Variants in ZBBX observed in about 807,000 individuals in gnomAD.
ZBBX encodes zinc finger B-box domain containing, also known as zinc finger B-box domain-containing protein 1.
ZBBX carries 101 observed loss-of-function variants against 108.5 expected under a neutral mutation model. The ratio of observed to expected loss-of-function variants is 0.93; its 90% CI spans 0.79 to 1.10. ZBBX has a LOEUF of 1.10. Ranked by LOEUF, ZBBX falls within the 50% of genes least tolerant of loss-of-function variation. The pLI, the probability that ZBBX is intolerant of heterozygous loss-of-function variation, is 0.00. For synonymous variants in ZBBX, 356 were observed against 323.4 expected, an observed-to-expected ratio of 1.10 and a Z score of -1.08; for missense variants, 1,009 against 941.4, an observed-to-expected ratio of 1.07 and a Z score of -0.94.
At chr3:167,227,593 T>A in the ZBBX span, among the ~76,000 whole-genome samples, 43 of 151,870 alleles carry the variant, frequency 2.8e-4, no homozygotes, top group South Asian at 1.0e-3. Context: ...AACATTTTCA[T>A]ACGTGGTCAC....
intron 1 of ZBBX, among the ~76,000 whole-genome samples, chr3:167,402,730 A>G: frequency 6.6e-6 from 1 of 152,114 alleles, no homozygotes; most frequent in East Asian, 1.9e-4. Context: ...AGAGAATAAA[A>G]TAAAATAAGT....
At chr3:167,339,056 G>A (rs1740085311) in intron 9 of ZBBX, among the ~76,000 whole-genome samples, 1 of 152,082 alleles carries the variant, frequency 6.6e-6, no homozygotes. Context: ...TCTTTGATGT[G>A]AATTACCTCA....
chr3:167,290,140 C>A (rs1428154514), intron 18 of ZBBX, among the ~76,000 whole-genome samples: 2 of 152,162 alleles, frequency 1.3e-5, no homozygotes, highest in Non-Finnish European at 2.9e-5. Flanking sequence ...GTTGTAGGTG[C>A]AGCTTCAGCA....
In ZBBX at chr3:167,365,987, T is replaced by C. The variant is rs1447355268; in HGVS notation, c.183-11A>G. ...TAATACTCGCTTGACCTTTAATATA[T>C]ATAAACAAGATAAAATGTAATCACT... On this transcript the variant is annotated splice_polypyrimidine_tract_variant and intron_variant, in intron 5 of 21. Transcript: ENST00000675490. The C allele has an allele frequency of 8.9e-6, 14 of 1,574,872 alleles. No homozygotes were observed. Among genetic ancestry groups the C allele is most frequent in the South Asian group, 1.1e-5 (1 of 87,574 alleles).
chr3:167,190,011 T>C, the ZBBX span, among the ~76,000 whole-genome samples: 3 of 152,248 alleles, frequency 2.0e-5, no homozygotes, highest in African/African-American at 7.2e-5. Context: ...CATAATGTCA[T>C]AGAATCACAT....
At chr3:167,208,495 C>T in the ZBBX span, among the ~76,000 whole-genome samples, 1 of 152,170 alleles carries the variant, frequency 6.6e-6, no homozygotes, top group Non-Finnish European at 1.5e-5. Flanking sequence ...GGATTGAGTA[C>T]TGGTCTGAGT....
chr3:167,275,562 T>C (rs949398285), intron 20 of ZBBX, among the ~76,000 whole-genome samples: 3 of 152,300 alleles, frequency 2.0e-5, no homozygotes, highest in African/African-American at 7.2e-5. Flanking sequence ...AATACTGCGC[T>C]TTTCCAACGG....
the ZBBX span, among the ~76,000 whole-genome samples, chr3:167,224,185 C>G: frequency 2.0e-5 from 3 of 152,052 alleles, no homozygotes; most frequent in East Asian, 5.8e-4. Context: ...TAATACATAT[C>G]AGTTAAAGAC....
At chr3:167,341,086 T>A (rs1369796675) in intron 9 of ZBBX, among the ~76,000 whole-genome samples, 1 of 151,980 alleles carries the variant, frequency 6.6e-6, no homozygotes, top group Non-Finnish European at 1.5e-5. Context: ...CAACATCATG[T>A]AAGTATTACT....
intron 1 of ZBBX, among the ~76,000 whole-genome samples, chr3:167,406,707 A>T (rs1001412896): frequency 6.6e-6 from 1 of 152,222 alleles, no homozygotes; most frequent in Non-Finnish European, 1.5e-5. Flanking sequence ...GTAGTTTACA[A>T]TTCAAATTTG....
chr3:167,259,605 C>T (rs1011696140), intron 20 of ZBBX, among the ~76,000 whole-genome samples: 3 of 152,020 alleles, frequency 2.0e-5, no homozygotes, highest in South Asian at 2.1e-4. Context: ...TTGATATAGG[C>T]GTTCAGGGCT....
At chr3:167,326,783 A>T (rs1298270281) in intron 11 of ZBBX, among the ~76,000 whole-genome samples, 1 of 152,084 alleles carries the variant, frequency 6.6e-6, no homozygotes, top group Non-Finnish European at 1.5e-5. Flanking sequence ...ATGTAGAAAA[A>T]TACTTGAAGA....
chr3:167,388,350 T>C (rs1747984073), intron 1 of ZBBX, among the ~76,000 whole-genome samples: 1 of 151,914 alleles, frequency 6.6e-6, no homozygotes, highest in South Asian at 2.1e-4. Context: ...ATAAGGGGTT[T>C]GCATCCCATG....
chr3:167,327,044 A>G (rs890884267), intron 11 of ZBBX, among the ~76,000 whole-genome samples: 2 of 151,902 alleles, frequency 1.3e-5, no homozygotes, highest in African/African-American at 2.4e-5. Flanking sequence ...GAATACTTTT[A>G]AAACTTATGG....
chr3:167,183,874 T>A, the ZBBX span, among the ~76,000 whole-genome samples: 1 of 152,122 alleles, frequency 6.6e-6, no homozygotes, highest in Non-Finnish European at 1.5e-5. Flanking sequence ...TGGGGACCTG[T>A]TTATGGCCAG....
intron 4 of ZBBX, among the ~76,000 whole-genome samples, chr3:167,369,115 G>A (rs890227854): frequency 2.0e-5 from 3 of 152,090 alleles, no homozygotes; most frequent in Non-Finnish European, 2.9e-5. Context: ...GTTTTGGTAC[G>A]GGAGCTTCCT....
At chr3:167,312,055 GATAA>G (rs758584315) in intron 16 of ZBBX, among the ~76,000 whole-genome samples, 4 of 152,092 alleles carry the variant, frequency 2.6e-5, no homozygotes, top group South Asian at 2.1e-4. Flanking sequence ...TAGGTGAATT[GATAA>G]ATAAACTATT....
At chr3:167,374,988 A>G (rs879940965) in intron 2 of ZBBX, among the ~76,000 whole-genome samples, 10 of 152,248 alleles carry the variant, frequency 6.6e-5, no homozygotes, top group Non-Finnish European at 1.5e-4. Flanking sequence ...GTTTAGATAT[A>G]GTGGCTGAGG....
At chr3:167,212,511 G>A in the ZBBX span, among the ~76,000 whole-genome samples, 1 of 152,170 alleles carries the variant, frequency 6.6e-6, no homozygotes, top group Non-Finnish European at 1.5e-5. Flanking sequence ...TTGACCCAAG[G>A]AGAGGAGGCC....
Sources: gnomAD v4.1 joint callset for allele counts (sites outside exome capture counted in the v4.1 genomes callset) on GRCh38, gnomAD v4.1.1 for gene constraint, MANE v1.5 for transcripts, NCBI Gene and HGNC (gene_info 2026-07-23, HGNC 2026-07-21) for gene names.